The following FAT3 variants were observed in gnomAD, a reference collection of about 807,000 sequenced individuals.
FAT3 encodes the protein protocadherin Fat 3.
FAT3 carries 95 observed loss-of-function variants against 310.2 expected under a neutral mutation model. The observed-to-expected ratio is 0.31, with a 90% CI of 0.26 to 0.36. FAT3 has a LOEUF of 0.36. Among genes scored for constraint, FAT3 ranks in the 10% least tolerant of loss-of-function variants. The probability of loss-of-function intolerance (pLI) is 1.00; values close to 1 mark genes in which losing one functional copy is unlikely to be tolerated. For missense variants in FAT3, 5,408 were observed against 5,715.6 expected (o/e 0.95, Z 1.74); for synonymous variants, 2,314 against 2,192.9 (o/e 1.06, Z -1.54).
At chr11:92,525,009 C>G (rs748107054) in intron 3 of FAT3, 61 bp downstream of exon 3, 2 of 1,303,260 alleles carry the variant, frequency 1.5e-6, no homozygotes, top group Non-Finnish European at 2.2e-6. Flanking sequence ...ATTCATCAGC[C>G]TGACACTTTC....
intron 2 of FAT3, among the ~76,000 whole-genome samples, chr11:92,416,545 A>G (rs1271366496): frequency 6.6e-6 from 1 of 152,218 alleles, no homozygotes; most frequent in Non-Finnish European, 1.5e-5. Flanking sequence ...GGGAAAATGG[A>G]TATGATGTTT....
At chr11:92,263,978 C>A (rs1248581348) in intron 1 of FAT3, among the ~76,000 whole-genome samples, 5 of 152,042 alleles carry the variant, frequency 3.3e-5, no homozygotes, top group African/African-American at 1.2e-4. Context: ...AGTAGATAAT[C>A]ATTATGCCCA....
At chr11:92,810,340 T>G (rs1239986808) in intron 13 of FAT3, among the ~76,000 whole-genome samples, 1 of 152,192 alleles carries the variant, frequency 6.6e-6, no homozygotes, top group African/African-American at 2.4e-5. Flanking sequence ...TGGGTTGGTT[T>G]GTTTGGGTTT....
At chr11:92,637,923 G>C (rs1469446852) in intron 3 of FAT3, among the ~76,000 whole-genome samples, 1 of 152,158 alleles carries the variant, frequency 6.6e-6, no homozygotes, top group African/African-American at 2.4e-5. Flanking sequence ...CTCAGCAAAA[G>C]CCGCATGCTG....
chr11:92,447,549 C>T (rs947807262), intron 2 of FAT3, among the ~76,000 whole-genome samples: 2 of 152,034 alleles, frequency 1.3e-5, no homozygotes, highest in African/African-American at 4.8e-5. Context: ...TTCATTTTCC[C>T]CAAACTGAAC....
At chr11:92,339,485 C>T (rs58687058) in intron 1 of FAT3, among the ~76,000 whole-genome samples, 11,313 of 152,150 alleles carry the variant, frequency 0.074, 587 homozygotes, top group African/African-American at 0.14. Context: ...TGCCTTTCTT[C>T]GTTCGGTTTA....
At chr11:92,637,005 A>T (rs2135717407) in intron 3 of FAT3, among the ~76,000 whole-genome samples, 1 of 152,134 alleles carries the variant, frequency 6.6e-6, no homozygotes, top group Middle Eastern at 3.4e-3. Flanking sequence ...TCCTCCTCCA[A>T]CTTGCCCGTT....
intron 2 of FAT3, among the ~76,000 whole-genome samples, chr11:92,469,183 A>G (rs1390342605): frequency 6.6e-6 from 1 of 152,186 alleles, no homozygotes; most frequent in African/African-American, 2.4e-5. Context: ...GTTTCATTCA[A>G]AAACCCAAAA....
At chr11:92,478,885 G>A (rs1952121534) in intron 2 of FAT3, among the ~76,000 whole-genome samples, 1 of 150,410 alleles carries the variant, frequency 6.6e-6, no homozygotes, top group African/African-American at 2.4e-5. Flanking sequence ...CAAAGTGCAG[G>A]GACTACAGGC....
At chr11:92,632,309 A>AT (rs35955404) in intron 3 of FAT3, among the ~76,000 whole-genome samples, 76,580 of 151,952 alleles carry the variant, frequency 0.5, 19,580 homozygotes, top group African/African-American at 0.57. Context: ...GTCACTCAGT[A>AT]TTTTTTATCT....
At chr11:92,696,926 T>C (rs1429740087) in intron 3 of FAT3, among the ~76,000 whole-genome samples, 1 of 152,222 alleles carries the variant, frequency 6.6e-6, no homozygotes, top group African/African-American at 2.4e-5. Context: ...TACAACATTC[T>C]TTGTCAAGTA....
intron 2 of FAT3, among the ~76,000 whole-genome samples, chr11:92,386,674 T>C (rs998345942): frequency 6.6e-6 from 1 of 152,176 alleles, no homozygotes; most frequent in Non-Finnish European, 1.5e-5. Context: ...CAAGAGAAGA[T>C]TCATGAAACA....
chr11:92,447,925 G>C (rs1565324782), intron 2 of FAT3, among the ~76,000 whole-genome samples: 1 of 151,810 alleles, frequency 6.6e-6, no homozygotes, highest in Non-Finnish European at 1.5e-5. Flanking sequence ...AAGAAGGCAG[G>C]ATCCAGAATT....
intron 2 of FAT3, among the ~76,000 whole-genome samples, chr11:92,410,485 G>A (rs990792970): frequency 1.3e-5 from 2 of 152,176 alleles, no homozygotes; most frequent in Middle Eastern, 3.4e-3. Context: ...ATTATGATGC[G>A]ATGCCCTACT....
intron 4 of FAT3, among the ~76,000 whole-genome samples, chr11:92,745,231 G>A (rs965478491): frequency 6.6e-6 from 1 of 152,208 alleles, no homozygotes; most frequent in Admixed American, 6.5e-5. Flanking sequence ...TCATGGAGAG[G>A]GGAATGTGGA....
intron 4 of FAT3, among the ~76,000 whole-genome samples, chr11:92,739,938 C>T: frequency 6.6e-6 from 1 of 152,198 alleles, no homozygotes. Flanking sequence ...GGACCTTTCA[C>T]ACATAGGTAC....
At chr11:92,729,885 G>GACT (rs1366234261) in intron 4 of FAT3, among the ~76,000 whole-genome samples, 1 of 152,018 alleles carries the variant, frequency 6.6e-6, no homozygotes, top group East Asian at 1.9e-4. Flanking sequence ...GAGACTACAA[G>GACT]ACTACTCTAA....
At chr11:92,392,717 A>G (rs553840468) in intron 2 of FAT3, among the ~76,000 whole-genome samples, 13 of 152,194 alleles carry the variant, frequency 8.5e-5, no homozygotes, top group African/African-American at 3.1e-4. Flanking sequence ...GAGTAGTGCT[A>G]GACTGTCATT....
intron 4 of FAT3, among the ~76,000 whole-genome samples, chr11:92,703,830 G>T (rs1278677138): frequency 6.6e-6 from 1 of 152,218 alleles, no homozygotes; most frequent in Non-Finnish European, 1.5e-5. Context: ...TTCACAGTAA[G>T]GTCTCCTAGA....
Sources: allele counts gnomAD v4.1 joint callset (sites outside exome capture counted in the v4.1 genomes callset), GRCh38; gene constraint gnomAD v4.1.1; transcripts MANE v1.5; gene names NCBI Gene and HGNC (gene_info 2026-07-23, HGNC 2026-07-21).